The following JMJD1C variants were observed in gnomAD, a reference collection of about 807,000 sequenced individuals.
The protein encoded by JMJD1C is jumonji domain-containing protein 1C.
In JMJD1C, 31 loss-of-function variants were observed where a neutral mutation model predicts 245.3. That is an observed-to-expected ratio of 0.13 (90% CI 0.09 to 0.17). The LOEUF is 0.17. Among genes scored for constraint, JMJD1C ranks in the 10% least tolerant of loss-of-function variants. The pLI is 1.00. For synonymous variants in JMJD1C, 1,057 were observed against 1,017.4 expected, an observed-to-expected ratio of 1.04 and a Z score of -0.74; for missense variants, 2,691 against 3,000.2, an observed-to-expected ratio of 0.90 and a Z score of 2.41.
In JMJD1C at chr10:63,207,391, G is replaced by T. The variant is rs773958128; in HGVS notation, c.4278C>A (p.Ala1426=). 11 of 1,613,916 alleles carry T rather than the reference G, an allele frequency of 6.8e-6. No individual in the cohort carries two copies. The East Asian group carries it at 1.8e-4, about 26-fold the overall frequency. The change falls in exon 10 of 26, where the codon GCC becomes GCA. Residue 1426 remains alanine, a synonymous_variant. Coordinates refer to ENST00000399262, the MANE Select transcript of JMJD1C (RefSeq NM_032776.3). ...VISSLSNTIL[A]STSSECVSSK... is the part of the protein sequence containing the mutation. Reference sequence around the variant, plus strand: ...AAGATACACATTCTGATGATGTAGAGGCCAAAATGGTATTTGATAAAGAGG... The same window carrying T: ...AAGATACACATTCTGATGATGTAGATGCCAAAATGGTATTTGATAAAGAGG...
chr10:63,410,772 T>C (rs1172996861), intron 1 of JMJD1C, among the ~76,000 whole-genome samples: 1 of 152,174 alleles, frequency 6.6e-6, no homozygotes, highest in African/African-American at 2.4e-5. Flanking sequence ...TGTTCCAAAT[T>C]ACTTCTTTCT....
intron 3 of JMJD1C, among the ~76,000 whole-genome samples, chr10:63,260,995 G>A (rs1186564780): frequency 6.6e-6 from 1 of 152,056 alleles, no homozygotes; most frequent in Non-Finnish European, 1.5e-5. Context: ...TTTCCCCACT[G>A]CTTCCTCTCC....
At chr10:63,174,102 G>A (rs1374418199) in intron 24 of JMJD1C, among the ~76,000 whole-genome samples, 1 of 152,110 alleles carries the variant, frequency 6.6e-6, no homozygotes, top group African/African-American at 2.4e-5. Context: ...AAATGAAAAT[G>A]GAACAACCAA....
At chr10:63,186,091 G>T in intron 19 of JMJD1C, 124 bp downstream of exon 19, 1 of 759,560 alleles carries the variant, frequency 1.3e-6, no homozygotes, top group Non-Finnish European at 2.1e-6. Flanking sequence ...CCAATTACTT[G>T]TTTCTTTTTA....
chr10:63,395,012 C>T (rs995641564), intron 1 of JMJD1C, among the ~76,000 whole-genome samples: 11 of 151,972 alleles, frequency 7.2e-5, no homozygotes, highest in Admixed American at 5.9e-4. Flanking sequence ...ACTTTTGAAA[C>T]TCAATAAAAG....
intron 22 of JMJD1C, among the ~76,000 whole-genome samples, chr10:63,178,967 T>C (rs1210383538): frequency 6.6e-6 from 1 of 152,224 alleles, no homozygotes; most frequent in Non-Finnish European, 1.5e-5. Flanking sequence ...CGGTGATGTC[T>C]TGGCTTTTAG....
At chr10:63,204,754 T>TGAG in intron 10 of JMJD1C, 1 of 985,484 alleles carries the variant, frequency 1.0e-6, no homozygotes, top group Non-Finnish European at 1.2e-6. Flanking sequence ...TGTCAGTCTC[T>TGAG]GGCTCTAGTT....
Position 63,232,172 on chromosome 10 carries a change from T to G in JMJD1C, c.448-12189A>C, listed in dbSNP as rs138556545. Reference sequence around the variant, plus strand: ...CTTAAGGGCTTATTTTCATACTGCTTCTTCTAAAGTTTTTTTTTTGTCATA... The same window carrying G: ...CTTAAGGGCTTATTTTCATACTGCTGCTTCTAAAGTTTTTTTTTTGTCATA... On this transcript the variant is annotated intron_variant, in intron 3 of 25. Transcript: ENST00000399262. Among the ~76,000 whole-genome samples the G allele has an allele frequency of 1.6e-3, 237 of 152,178 alleles. 6 individuals are homozygous for G. In the South Asian group the frequency reaches 0.03, roughly 19 times the overall value.
chr10:63,425,850 T>A (rs1484456681), intron 1 of JMJD1C, among the ~76,000 whole-genome samples: 1 of 152,102 alleles, frequency 6.6e-6, no homozygotes, highest in Non-Finnish European at 1.5e-5. Flanking sequence ...GCAAATACAT[T>A]CCCCTCAACG....
intron 1 of JMJD1C, among the ~76,000 whole-genome samples, chr10:63,405,651 C>T (rs944618439): frequency 2.0e-5 from 3 of 152,092 alleles, no homozygotes; most frequent in African/African-American, 4.8e-5. Flanking sequence ...GGAAACAGTA[C>T]TTGACAATAT....
At chr10:63,339,761 A>G (rs564590971) in intron 2 of JMJD1C, among the ~76,000 whole-genome samples, 221 of 152,370 alleles carry the variant, frequency 1.5e-3, no homozygotes, top group Non-Finnish European at 2.5e-3. Context: ...CCACGTCTCT[A>G]CTAAAAATAC....
chr10:63,437,081 G>A (rs1209337740), intron 1 of JMJD1C, among the ~76,000 whole-genome samples: 2 of 151,972 alleles, frequency 1.3e-5, no homozygotes, highest in South Asian at 2.1e-4. Context: ...TAGTTTTCCA[G>A]CCAAACCCCA....
chr10:63,253,228 C>T (rs1853353697), intron 3 of JMJD1C, among the ~76,000 whole-genome samples: 1 of 152,062 alleles, frequency 6.6e-6, no homozygotes, highest in South Asian at 2.1e-4. Flanking sequence ...ACCAAGGGAC[C>T]AGAATAGAGA....
intron 2 of JMJD1C, among the ~76,000 whole-genome samples, chr10:63,328,921 T>C (rs759667349): frequency 6.6e-6 from 1 of 152,216 alleles, no homozygotes; most frequent in Non-Finnish European, 1.5e-5. Flanking sequence ...ACACTATCAT[T>C]TCCACAGTGG....
intron 2 of JMJD1C, among the ~76,000 whole-genome samples, chr10:63,302,398 A>G (rs143743576): frequency 1.1e-4 from 16 of 152,228 alleles, no homozygotes; most frequent in African/African-American, 3.4e-4. Flanking sequence ...TGACAGTGGC[A>G]GTCTTTCTAC....
chr10:63,386,242 C>T (rs1947580379), intron 1 of JMJD1C, among the ~76,000 whole-genome samples: 1 of 152,168 alleles, frequency 6.6e-6, no homozygotes, highest in East Asian at 1.9e-4. Context: ...ACTTCACAGA[C>T]CCCAGAATCT....
chr10:63,434,735 A>G (rs1473105906), intron 1 of JMJD1C, among the ~76,000 whole-genome samples: 1 of 152,204 alleles, frequency 6.6e-6, no homozygotes, highest in Non-Finnish European at 1.5e-5. Flanking sequence ...AACAAAAAAA[A>G]AAGATTGACC....
intron 2 of JMJD1C, among the ~76,000 whole-genome samples, chr10:63,276,465 CAA>C (rs551525973): frequency 1.1e-3 from 107 of 93,700 alleles, no homozygotes; most frequent in Middle Eastern, 5.0e-3. Flanking sequence ...GATTCCGTCT[CAA>C]AAAAAAAAAA....
intron 2 of JMJD1C, among the ~76,000 whole-genome samples, chr10:63,373,647 G>A (rs1175706006): frequency 6.6e-6 from 1 of 152,096 alleles, no homozygotes; most frequent in Non-Finnish European, 1.5e-5. Context: ...CATGTGCACA[G>A]AAATAGAAAC....
Sources: allele counts gnomAD v4.1 joint callset (sites outside exome capture counted in the v4.1 genomes callset), GRCh38; gene constraint gnomAD v4.1.1; transcripts MANE v1.5; gene names NCBI Gene and HGNC (gene_info 2026-07-23, HGNC 2026-07-21).